XYLT1: variants seen among roughly 807,000 people sequenced by gnomAD.
XYLT1 encodes xylosyltransferase 1.
Under a neutral mutation model 91.3 loss-of-function variants are expected in XYLT1, and 36 were observed. The observed-to-expected ratio is 0.39, with a 90% CI of 0.30 to 0.52. The LOEUF (loss-of-function observed/expected upper bound fraction) is 0.52, where lower values mean the gene tolerates loss of function less well. Ranked by LOEUF, XYLT1 falls within the 20% of genes least tolerant of loss-of-function variation. The pLI is 0.68. For missense variants in XYLT1, 1,242 were observed against 1,284.5 expected, an observed-to-expected ratio of 0.97 and a Z score of 0.51; for synonymous variants, 588 against 532.0, an observed-to-expected ratio of 1.11 and a Z score of -1.45.
At chr16:17,294,963 G>C (rs1472449977) in intron 2 of XYLT1, among the ~76,000 whole-genome samples, 1 of 152,206 alleles carries the variant, frequency 6.6e-6, no homozygotes, top group Admixed American at 6.5e-5. Context: ...CTTTATTCTA[G>C]CACAGGGACA....
At chr16:17,451,989 G>C (rs2036670750) in intron 1 of XYLT1, among the ~76,000 whole-genome samples, 1 of 152,110 alleles carries the variant, frequency 6.6e-6, no homozygotes, top group Non-Finnish European at 1.5e-5. Context: ...GTTTTGATGT[G>C]GGCAGGCTAA....
chr16:17,108,748 G>T lies in XYLT1; in HGVS notation c.2827C>A (p.Pro943Thr). Residue 943 changes from proline to threonine, a missense_variant, in exon 12 of 12, where the codon CCT becomes ACT. Coordinates refer to ENST00000261381, the MANE Select transcript of XYLT1 (RefSeq NM_022166.4). The stretch of plus-strand genomic sequence containing the variant: ...GCCCCCAGCTCCGACTTGGGGTCAG[G>T]GCTGAAGGAGCTCCAGGCCGTCTGG... Reference protein sequence around the residue: ...CSQTAWSSFSPDPKSELGAVK... With the variant: ...CSQTAWSSFSTDPKSELGAVK... 1 of 1,606,010 alleles carries T rather than the reference G, an allele frequency of 6.2e-7. No homozygotes were observed. The highest frequency in any genetic ancestry group is 1.3e-5 in the African/African-American group (1 of 75,010).
chr16:17,324,651 G>A (rs2034772641), intron 2 of XYLT1, among the ~76,000 whole-genome samples: 2 of 152,168 alleles, frequency 1.3e-5, no homozygotes, highest in Admixed American at 6.5e-5. Context: ...TCCATGGACC[G>A]ACAACGCTCT....
At chr16:17,429,243 T>G (rs1044199679) in intron 1 of XYLT1, among the ~76,000 whole-genome samples, 1 of 152,228 alleles carries the variant, frequency 6.6e-6, no homozygotes, top group Non-Finnish European at 1.5e-5. Flanking sequence ...AGTCTCTAAC[T>G]GCTTAATTCA....
chr16:17,296,454 A>G (rs2034312184), intron 2 of XYLT1, among the ~76,000 whole-genome samples: 1 of 152,198 alleles, frequency 6.6e-6, no homozygotes, highest in African/African-American at 2.4e-5. Context: ...TGATTAAAGC[A>G]GAGGACCCGA....
chr16:17,178,446 A>C (rs1374127724), intron 5 of XYLT1, among the ~76,000 whole-genome samples: 1 of 152,148 alleles, frequency 6.6e-6, no homozygotes, highest in Non-Finnish European at 1.5e-5. Context: ...ATTCAACCCC[A>C]CCTGGGTTGA....
At chr16:17,379,757 T>TCACACACACACA (rs1240413974) in intron 1 of XYLT1, among the ~76,000 whole-genome samples, 68 of 129,976 alleles carry the variant, frequency 5.2e-4, no homozygotes, top group African/African-American at 2.2e-3. Context: ...TCTCTCTCTC[T>TCACACACACACA]CTCTCTCACA....
intron 2 of XYLT1, among the ~76,000 whole-genome samples, chr16:17,268,899 C>A (rs1417567872): frequency 6.6e-6 from 1 of 152,162 alleles, no homozygotes; most frequent in Non-Finnish European, 1.5e-5. Flanking sequence ...TCTCAAACTC[C>A]TGACTTCAGG....
intron 3 of XYLT1, among the ~76,000 whole-genome samples, chr16:17,207,778 C>T (rs1034778604): frequency 6.6e-6 from 1 of 152,036 alleles, no homozygotes; most frequent in Non-Finnish European, 1.5e-5. Flanking sequence ...AGGTCCCCTC[C>T]CACCCAGCTT....
At chr16:17,313,688 T>TAA (rs5815938) in intron 2 of XYLT1, among the ~76,000 whole-genome samples, 130 of 143,148 alleles carry the variant, frequency 9.1e-4, no homozygotes, top group African/African-American at 1.7e-3. Flanking sequence ...TCCAAACCAT[T>TAA]AAAAAAAAAA....
At chr16:17,283,858 T>C (rs183752397) in intron 2 of XYLT1, among the ~76,000 whole-genome samples, 95 of 152,312 alleles carry the variant, frequency 6.2e-4, no homozygotes, top group African/African-American at 1.7e-3. Flanking sequence ...GATATTTCCA[T>C]TTGACAACCA....
At chr16:17,205,532 T>C (rs139295064) in intron 3 of XYLT1, among the ~76,000 whole-genome samples, 1 of 152,208 alleles carries the variant, frequency 6.6e-6, no homozygotes, top group African/African-American at 2.4e-5. Context: ...CCACCCCACA[T>C]GGACATTCAC....
chr16:17,433,136 A>G (rs1385407469), intron 1 of XYLT1, among the ~76,000 whole-genome samples: 1 of 152,130 alleles, frequency 6.6e-6, no homozygotes, highest in Non-Finnish European at 1.5e-5. Context: ...AAGGAAGAGA[A>G]AACTTGCTAA....
At chr16:17,271,173 T>A (rs1446960084) in intron 2 of XYLT1, among the ~76,000 whole-genome samples, 1 of 134,980 alleles carries the variant, frequency 7.4e-6, no homozygotes, top group Non-Finnish European at 1.6e-5. Context: ...GTTTGTTTGT[T>A]TGTTTTTAAG....
At chr16:17,379,458 T>C (rs2035643233) in intron 1 of XYLT1, among the ~76,000 whole-genome samples, 1 of 152,166 alleles carries the variant, frequency 6.6e-6, no homozygotes, top group Non-Finnish European at 1.5e-5. Context: ...CCCAGGGCTT[T>C]TCAGCAAACT....
chr16:17,459,864 T>C (rs1438861048), intron 1 of XYLT1, among the ~76,000 whole-genome samples: 1 of 152,104 alleles, frequency 6.6e-6, no homozygotes, highest in Non-Finnish European at 1.5e-5. Flanking sequence ...AAATTTCCAG[T>C]GGATTTCACT....
intron 6 of XYLT1, among the ~76,000 whole-genome samples, chr16:17,153,031 A>G (rs1217174631): frequency 6.6e-6 from 1 of 152,088 alleles, no homozygotes; most frequent in African/African-American, 2.4e-5. Context: ...TGAACATAAG[A>G]GTTATTGAAC....
At chr16:17,462,187 C>A (rs1020426159) in intron 1 of XYLT1, among the ~76,000 whole-genome samples, 1 of 152,198 alleles carries the variant, frequency 6.6e-6, no homozygotes, top group East Asian at 1.9e-4. Context: ...GATTAGATGT[C>A]CAGATAAGCA....
intron 2 of XYLT1, among the ~76,000 whole-genome samples, chr16:17,310,326 TC>T (rs1417618354): frequency 6.6e-6 from 1 of 152,066 alleles, no homozygotes; most frequent in African/African-American, 2.4e-5. Context: ...AAATGTCACT[TC>T]CCCGGGGAAA....
Sources: gnomAD v4.1 joint callset for allele counts (sites outside exome capture counted in the v4.1 genomes callset) on GRCh38, gnomAD v4.1.1 for gene constraint, MANE v1.5 for transcripts, NCBI Gene and HGNC (gene_info 2026-07-23, HGNC 2026-07-21) for gene names.